The following AFF3 variants were observed in gnomAD, a reference collection of about 807,000 sequenced individuals.
AFF3 encodes ALF transcription elongation factor 3.
In AFF3, 32 loss-of-function variants were observed where a neutral mutation model predicts 129.7. That is an observed-to-expected ratio of 0.25 (90% confidence interval 0.19 to 0.33). AFF3 has a LOEUF of 0.33. Ranked by LOEUF, AFF3 falls within the 10% of genes least tolerant of loss-of-function variation. AFF3 has a pLI of 1.00. For missense variants in AFF3, 1,373 were observed against 1,592.0 expected (o/e 0.86, Z 2.34); for synonymous variants, 644 against 635.4 (o/e 1.01, Z -0.20).
chr2:99,619,655 G>C (rs1681798146), intron 13 of AFF3, among the ~76,000 whole-genome samples: 1 of 152,134 alleles, frequency 6.6e-6, no homozygotes, highest in African/African-American at 2.4e-5. Flanking sequence ...GAGGCTCAGG[G>C]GCCTTACCAA....
intron 7 of AFF3, among the ~76,000 whole-genome samples, chr2:99,938,419 C>T (rs902286243): frequency 1.3e-5 from 2 of 151,520 alleles, no homozygotes; most frequent in African/African-American, 2.4e-5. Context: ...CAAAATAGTA[C>T]ATGACACACA....
At chr2:100,113,521 C>T (rs189968225) in intron 2 of AFF3, among the ~76,000 whole-genome samples, 12 of 152,266 alleles carry the variant, frequency 7.9e-5, no homozygotes, top group African/African-American at 1.7e-4. Context: ...CCAGAAAGAA[C>T]GACTGATTTG....
At chr2:99,943,898 C>T (rs1675306203) in intron 7 of AFF3, among the ~76,000 whole-genome samples, 1 of 150,640 alleles carries the variant, frequency 6.6e-6, no homozygotes, top group East Asian at 1.9e-4. Context: ...ATTTTTTCCA[C>T]TGAAGTCTGT....
chr2:99,686,147 G>A (rs181894912), intron 11 of AFF3, among the ~76,000 whole-genome samples: 6 of 152,042 alleles, frequency 3.9e-5, no homozygotes, highest in Admixed American at 2.6e-4. Context: ...CCGAGATTGC[G>A]CCACTGCACT....
In AFF3 at chr2:99,664,113, T is replaced by A. The variant is rs557646121; in HGVS notation, c.1143+8425A>T. Among the ~76,000 whole-genome samples the A allele has an allele frequency of 3.3e-5, 5 of 152,348 alleles. No homozygotes were observed. In the South Asian group the frequency reaches 1.0e-3, roughly 32 times the overall value. ...TCACATTGTTTCACAAAAACATTGG[T>A]CTTTGGAATTGTTAAAACCAACAGT... On this transcript the variant is annotated intron_variant, in intron 12 of 24. Coordinates refer to ENST00000672756, the MANE Select transcript of AFF3 (RefSeq NM_001386135.1).
At chr2:99,746,811 A>T (rs907092578) in intron 9 of AFF3, among the ~76,000 whole-genome samples, 39 of 152,142 alleles carry the variant, frequency 2.6e-4, no homozygotes, top group African/African-American at 9.4e-4. Context: ...TTGGCACGTG[A>T]AAATACTTTG....
At chr2:99,881,145 T>C (rs1692681994) in intron 7 of AFF3, among the ~76,000 whole-genome samples, 2 of 152,150 alleles carry the variant, frequency 1.3e-5, no homozygotes, top group African/African-American at 4.8e-5. Context: ...AGTTAATAAG[T>C]AGGTGTCAAA....
chr2:99,746,272 C>A (rs1452774717), intron 9 of AFF3, among the ~76,000 whole-genome samples: 1 of 151,354 alleles, frequency 6.6e-6, no homozygotes, highest in Non-Finnish European at 1.5e-5. Flanking sequence ...GAATGAACTT[C>A]TATTACGTGG....
At chr2:99,578,601 G>T in intron 17 of AFF3, 150 bp from the exon 18 acceptor site, 1 of 1,202,132 alleles carries the variant, frequency 8.3e-7, no homozygotes. Context: ...TCTCAATAAA[G>T]AAATACATGC....
Position 99,593,552 on chromosome 2 carries a change from C to T in AFF3, c.2109G>A (p.Gly703=). ...CGGCCTCCTTCAGCCTCTGATCATT[C>T]CCGGAGGAGGCAGAGGCAGCCACGG... ...AQTVAASASS[G]NDQRLKEAAA... Residue 703 remains glycine (G), a synonymous_variant, in exon 15 of 25, where the codon GGG becomes GGA. Coordinates refer to ENST00000672756, the MANE Select transcript of AFF3 (RefSeq NM_001386135.1). 1.2e-6 allele frequency: 2 copies of T among 1,613,316 alleles called. No homozygotes were observed. The highest frequency in any genetic ancestry group is 1.7e-6 in the Non-Finnish European group (2 of 1,179,940).
intron 7 of AFF3, among the ~76,000 whole-genome samples, chr2:99,894,089 A>C (rs934598370): frequency 6.6e-6 from 1 of 152,012 alleles, no homozygotes; most frequent in Non-Finnish European, 1.5e-5. Context: ...GATATAAATA[A>C]CTCCCACAAG....
intron 7 of AFF3, among the ~76,000 whole-genome samples, chr2:99,911,390 GAAA>G (rs34700536): frequency 1.6e-5 from 2 of 128,380 alleles, no homozygotes; most frequent in South Asian, 2.5e-4. Context: ...TTCATCTCTG[GAAA>G]AAAAAAAAAA....
intron 12 of AFF3, among the ~76,000 whole-genome samples, chr2:99,668,115 G>A (rs1221002407): frequency 2.0e-5 from 3 of 151,764 alleles, no homozygotes; most frequent in East Asian, 2.0e-4. Flanking sequence ...CCAAGACTGC[G>A]CCACTGCACT....
At chr2:99,732,836 A>G (rs1679942707) in intron 10 of AFF3, among the ~76,000 whole-genome samples, 1 of 152,176 alleles carries the variant, frequency 6.6e-6, no homozygotes, top group African/African-American at 2.4e-5. Flanking sequence ...ACTGATTCAC[A>G]TCCATACCAA....
intron 7 of AFF3, among the ~76,000 whole-genome samples, chr2:99,853,588 CATT>C (rs1690304963): frequency 6.6e-6 from 1 of 152,092 alleles, no homozygotes; most frequent in African/African-American, 2.4e-5. Context: ...GCTTTATAGT[CATT>C]ATATCATTTA....
At chr2:99,917,623 T>C (rs1056710819) in intron 7 of AFF3, among the ~76,000 whole-genome samples, 2 of 152,098 alleles carry the variant, frequency 1.3e-5, no homozygotes, top group Non-Finnish European at 2.9e-5. Flanking sequence ...AATAATTTAG[T>C]GATGATGTAA....
intron 13 of AFF3, among the ~76,000 whole-genome samples, chr2:99,603,288 C>A (rs1321420449): frequency 1.3e-5 from 2 of 152,062 alleles, no homozygotes; most frequent in African/African-American, 2.4e-5. Context: ...TCATTGGAAT[C>A]ATAAAAAAAG....
intron 2 of AFF3, among the ~76,000 whole-genome samples, chr2:100,124,966 T>G (rs1470860580): frequency 6.6e-6 from 1 of 152,184 alleles, no homozygotes; most frequent in African/African-American, 2.4e-5. Flanking sequence ...AACACATTCC[T>G]AATACATGAC....
At chr2:100,029,259 T>C (rs944497468) in intron 4 of AFF3, among the ~76,000 whole-genome samples, 1 of 152,134 alleles carries the variant, frequency 6.6e-6, no homozygotes, top group Admixed American at 6.5e-5. Flanking sequence ...CCAATCTGAC[T>C]GGTGTCCTTA....
Sources: allele counts gnomAD v4.1 joint callset (sites outside exome capture counted in the v4.1 genomes callset), GRCh38; gene constraint gnomAD v4.1.1; transcripts MANE v1.5; gene names NCBI Gene and HGNC (gene_info 2026-07-23, HGNC 2026-07-21).